The following RAB11FIP5 variants were observed in gnomAD, a reference collection of about 807,000 sequenced individuals.
RAB11FIP5 encodes the protein rab11 family-interacting protein 5.
A neutral mutation model predicts 85.1 loss-of-function variants in RAB11FIP5; 48 were observed. That is an observed-to-expected ratio of 0.56 (90% confidence interval 0.45 to 0.72). The LOEUF (loss-of-function observed/expected upper bound fraction) is 0.72. Among genes scored for constraint, RAB11FIP5 ranks in the 30% least tolerant of loss-of-function variants. The pLI is 0.00. For synonymous variants in RAB11FIP5, 729 were observed against 727.3 expected (o/e 1.00, Z -0.04); for missense variants, 1,491 against 1,687.0 (o/e 0.88, Z 2.04).
In RAB11FIP5 at chr2:73,088,175, G is replaced by T. The variant is rs773343987; in HGVS notation, c.1443C>A (p.Ser481Arg). The T allele has an allele frequency of 6.2e-7, 1 of 1,614,018 alleles. No homozygotes were observed. Among genetic ancestry groups the T allele is most frequent in the Non-Finnish European group, 8.5e-7 (1 of 1,180,016 alleles). ...GLSRSELGRR[S>R]SLGEKGGPIL... ...TGGGACCCCCCTTTTCCCCCAGAGAGCTTCGGCGACCCAACTCGCTCCGAC... is the reference window on the plus strand; with the variant it reads ...TGGGACCCCCCTTTTCCCCCAGAGATCTTCGGCGACCCAACTCGCTCCGAC... Residue 481 changes from serine (S) to arginine (R), a missense_variant, in exon 3 of 6, where the codon AGC (serine) becomes AGA (arginine). By Grantham distance (110) the Ser-to-Arg change is moderately radical (BLOSUM62 -1). Transcript: ENST00000486777.
At chr2:73,107,342 T>A (rs573098447) in intron 1 of RAB11FIP5, among the ~76,000 whole-genome samples, 10 of 152,092 alleles carry the variant, frequency 6.6e-5, no homozygotes, top group African/African-American at 2.4e-4. Context: ...AGGCCAGTGG[T>A]TTAGACAAGA....
At chr2:73,110,483 C>CT (rs1161311181) in intron 1 of RAB11FIP5, among the ~76,000 whole-genome samples, 4 of 152,076 alleles carry the variant, frequency 2.6e-5, no homozygotes, top group African/African-American at 9.7e-5. Context: ...TCCTGTTCCC[C>CT]CCCCGGTTCT....
intron 3 of RAB11FIP5, among the ~76,000 whole-genome samples, chr2:73,083,417 G>C (rs188354645): frequency 6.6e-6 from 1 of 152,276 alleles, no homozygotes; most frequent in Admixed American, 6.5e-5. Context: ...GGGATTTCTC[G>C]TAAGAATCAG....
chr2:73,089,633 T>C lies in RAB11FIP5; in HGVS notation c.432-318A>G, dbSNP rs1298523432. 2 of 425,152 alleles carry C rather than the reference T, an allele frequency of 4.7e-6. No homozygotes were observed. Among genetic ancestry groups the C allele is most frequent in the Non-Finnish European group, 8.9e-6 (2 of 225,734 alleles). 26.3% of individuals were successfully genotyped at this position (425,152 alleles called of 1,614,324 possible). The stretch of plus-strand genomic sequence containing the variant: ...TCTCCTGGTGCTCAGAGACCTCTCC[T>C]CTGCCCCATCTCCCCTACATCTGAA... On this transcript the variant is annotated intron_variant, in intron 1 of 5. Coordinates refer to ENST00000486777, the MANE Select transcript of RAB11FIP5 (RefSeq NM_001371272.1). The surrounding 1 kb of genome is among the most constrained non-coding windows in gnomAD (Gnocchi z 4.6).
Position 73,088,342 on chromosome 2 carries a change from C to A in RAB11FIP5, c.1276G>T (p.Ala426Ser). Reference sequence around the variant, plus strand: ...ACTGGCTTGCCCTCTGGTAGCCGGGCCCCCTCCTCCTCTCCAGGGTGGCTG... The same window carrying A: ...ACTGGCTTGCCCTCTGGTAGCCGGGACCCCTCCTCCTCTCCAGGGTGGCTG... ...GASHPGEEEG[A>S]RLPEGKPVQV... The change falls in exon 3 of 6, where the codon GCC becomes TCC. Residue 426 changes from alanine to serine, a missense_variant. Coordinates refer to ENST00000486777, the MANE Select transcript of RAB11FIP5 (RefSeq NM_001371272.1). 1 of 1,613,604 alleles carries A rather than the reference C, an allele frequency of 6.2e-7. No homozygotes were observed. Among genetic ancestry groups the A allele is most frequent in the Middle Eastern group, 1.6e-4 (1 of 6,062 alleles).
At chr2:73,097,281 C>T (rs1684339419) in intron 1 of RAB11FIP5, among the ~76,000 whole-genome samples, 1 of 152,124 alleles carries the variant, frequency 6.6e-6, no homozygotes, top group African/African-American at 2.4e-5. Flanking sequence ...AGGTGATCCA[C>T]CCGCCTCGGC....
rs1036284990 is a variant in RAB11FIP5 at position 73,080,344 on chromosome 2, C to G, written c.2888G>C (p.Ser963Thr). Residue 963 changes from serine to threonine, a missense_variant, in exon 4 of 6, where the codon AGC (serine) becomes ACC (threonine). Physicochemically the swap from Ser to Thr is moderately conservative, Grantham distance 58. Transcript: ENST00000486777. ...GCCCAGCAGGGTTGCAGAGGAGCAG[C>G]TGTCAGACTCCTCCGACTCACGCTT... Reference protein sequence around the residue: ...GEKRESEESDSCSSATLLGQP... With the variant: ...GEKRESEESDTCSSATLLGQP... 2.4e-6 allele frequency: 3 copies of G among 1,232,628 alleles called. No individual in the cohort carries two copies. In the African/African-American group the frequency reaches 4.7e-5, roughly 19 times the overall value. The allele number at this position is 1,232,628 out of a possible 1,614,324, so 76.4% of individuals were successfully genotyped here. A position where few individuals can be genotyped will look rare whatever the true frequency, so the allele number is the denominator to read the frequency against.
At chr2:73,103,526 C>T (rs1019912863) in intron 1 of RAB11FIP5, among the ~76,000 whole-genome samples, 6 of 151,862 alleles carry the variant, frequency 4.0e-5, no homozygotes, top group Non-Finnish European at 7.4e-5. Context: ...AGAAAAGCAT[C>T]AGGCTTAGAC....
intron 1 of RAB11FIP5, among the ~76,000 whole-genome samples, chr2:73,094,286 T>G (rs755728544): frequency 3.3e-5 from 5 of 152,170 alleles, no homozygotes; most frequent in Non-Finnish European, 4.4e-5. Context: ...CCTAGCTGAC[T>G]GGGGCACTGG....
chr2:73,106,108 G>A (rs529620033), intron 1 of RAB11FIP5, among the ~76,000 whole-genome samples: 17 of 152,182 alleles, frequency 1.1e-4, no homozygotes, highest in South Asian at 4.1e-4. Context: ...CCGTGCCAAG[G>A]TTTCCTCAGC....
At chr2:73,098,733 C>G (rs1346295246) in intron 1 of RAB11FIP5, among the ~76,000 whole-genome samples, 1 of 152,224 alleles carries the variant, frequency 6.6e-6, no homozygotes, top group Non-Finnish European at 1.5e-5. Context: ...CCCTATTTCT[C>G]TAGAGCAGGG....
chr2:73,079,513 C>G, intron 4 of RAB11FIP5, 138 bp downstream of exon 4: 1 of 1,102,608 alleles, frequency 9.1e-7, no homozygotes, highest in African/African-American at 1.6e-5. Flanking sequence ...CCTGTACCGT[C>G]TTGCCTCTGG....
At chr2:73,079,487 G>A (rs990828004) in intron 4 of RAB11FIP5, among the ~76,000 whole-genome samples, 164 bp downstream of exon 4, 2 of 152,174 alleles carry the variant, frequency 1.3e-5, no homozygotes, top group African/African-American at 4.8e-5. Context: ...ACCATAGAAA[G>A]CTCCTGTCTT....
Position 73,081,253 on chromosome 2 carries a change from A to G in RAB11FIP5, c.1979T>C (p.Leu660Pro). The G allele has an allele frequency of 8.1e-7, 1 of 1,232,332 alleles. No individual in the cohort carries two copies. The highest frequency in any genetic ancestry group is 1.0e-6 in the Non-Finnish European group (1 of 988,148). 76.3% of individuals were successfully genotyped at this position (1,232,332 alleles called of 1,614,324 possible). A position where few individuals can be genotyped will look rare whatever the true frequency, so the allele number is the denominator to read the frequency against. ...GATCTCGCTCCTGGCCTCTGGACGC[A>G]GCCTGCTGGCAGCAAAGACGTTGAA... ...NTFNVFAASRLRPEARSEILA... is the reference protein window; with the variant it reads ...NTFNVFAASRPRPEARSEILA... Residue 660 changes from leucine (L) to proline (P), a missense_variant, in exon 4 of 6, where the codon CTG (leucine) becomes CCG (proline). Leu to Pro is a moderately conservative substitution (Grantham distance 98, BLOSUM62 -3). Around this residue, in one of 3 missense-constraint regions of RAB11FIP5, gnomAD observed 1,211 missense variants for 1,338.0 expected, o/e 0.91. Coordinates refer to ENST00000486777, the MANE Select transcript of RAB11FIP5 (RefSeq NM_001371272.1). The surrounding 1 kb of genome is among the most constrained non-coding windows in gnomAD (Gnocchi z 4.2).
At chr2:73,107,950 G>A (rs1386231931) in intron 1 of RAB11FIP5, among the ~76,000 whole-genome samples, 1 of 152,216 alleles carries the variant, frequency 6.6e-6, no homozygotes, top group Non-Finnish European at 1.5e-5. Flanking sequence ...TGCCCAGGCT[G>A]TCTGTGGGCT....
chr2:73,083,038 T>A (rs971105147), intron 3 of RAB11FIP5, among the ~76,000 whole-genome samples: 2 of 152,176 alleles, frequency 1.3e-5, no homozygotes, highest in African/African-American at 4.8e-5. Context: ...CCTGTCCAGG[T>A]GGAAATATCC....
intron 1 of RAB11FIP5, among the ~76,000 whole-genome samples, chr2:73,093,664 T>C (rs1295152719): frequency 2.0e-5 from 3 of 152,202 alleles, no homozygotes; most frequent in African/African-American, 7.2e-5. Context: ...ACAACCATCC[T>C]CTTGGCTGTT....
intron 3 of RAB11FIP5, chr2:73,084,148 C>T (rs143093752): frequency 6.6e-6 from 1 of 152,314 alleles, no homozygotes; most frequent in Non-Finnish European, 1.5e-5. Context: ...AAGGGCTCTC[C>T]CTGGAGGAAG....
chr2:73,084,627 C>T (rs1684059425), intron 3 of RAB11FIP5, among the ~76,000 whole-genome samples: 1 of 152,226 alleles, frequency 6.6e-6, no homozygotes, highest in South Asian at 2.1e-4. Context: ...ACAGGAACCA[C>T]CTGTTCACCC....
Sources: gnomAD v4.1 joint callset for allele counts (sites outside exome capture counted in the v4.1 genomes callset) on GRCh38, gnomAD v4.1.1 for gene constraint, gnomAD v4.1.1 regional missense constraint, Gnocchi (gnomAD v3.1) non-coding constraint, MANE v1.5 for transcripts, NCBI Gene and HGNC (gene_info 2026-07-23, HGNC 2026-07-21) for gene names.